LRRC8B: variants seen among roughly 807,000 people sequenced by gnomAD.
LRRC8B encodes volume-regulated anion channel subunit LRRC8B.
In LRRC8B, 23 loss-of-function variants were observed where a neutral mutation model predicts 58.8. The ratio of observed to expected loss-of-function variants is 0.39; its 90% CI spans 0.28 to 0.55. The LOEUF (loss-of-function observed/expected upper bound fraction) is 0.55. Ranked by LOEUF, LRRC8B falls within the 20% of genes least tolerant of loss-of-function variation. The probability of loss-of-function intolerance (pLI) is 0.62; values close to 1 mark genes in which losing one functional copy is unlikely to be tolerated. For synonymous variants in LRRC8B, 359 were observed against 374.1 expected (o/e 0.96, Z 0.47); for missense variants, 694 against 936.0 (o/e 0.74, Z 3.37).
Position 89,583,222 on chromosome 1 carries a change from C to A in LRRC8B, c.572C>A (p.Ser191Ter). 1 of 1,614,146 alleles carries A rather than the reference C, an allele frequency of 6.2e-7. No individual in the cohort carries two copies. Among genetic ancestry groups the A allele is most frequent in the Non-Finnish European group, 8.5e-7 (1 of 1,180,028 alleles). The change falls in exon 5 of 6, where the codon TCG becomes TAG. Residue 191 changes from serine (S) to a stop codon, truncating the protein, a stop_gained. Coordinates refer to ENST00000330947, the MANE Select transcript of LRRC8B (RefSeq NM_001369817.2). LOFTEE classifies it high-confidence loss of function. This position sits in a 1 kb window ranked among gnomAD's most constrained non-coding sequence, Gnocchi z 5.2. ...LKLSKSKILL[S>*]SSGCSADIDS... ...CTCTCCAAGTCCAAGATTTTGCTTT[C>A]GTCCTCAGGGTGTTCAGCTGACATA...
At chr1:89,569,482 G>T (rs1653284002) in intron 3 of LRRC8B, among the ~76,000 whole-genome samples, 1 of 151,896 alleles carries the variant, frequency 6.6e-6, no homozygotes, top group African/African-American at 2.4e-5. Context: ...TCTGCTTTTG[G>T]AGTCCCCAGT....
intron 3 of LRRC8B, among the ~76,000 whole-genome samples, chr1:89,574,083 T>A (rs185083933): frequency 1.3e-5 from 2 of 152,372 alleles, no homozygotes; most frequent in South Asian, 4.1e-4. Context: ...ATTAGCCATA[T>A]AGAGGACTGG....
At chr1:89,578,078 A>G (rs936448741) in intron 3 of LRRC8B, among the ~76,000 whole-genome samples, 1 of 152,208 alleles carries the variant, frequency 6.6e-6, no homozygotes, top group East Asian at 1.9e-4. Context: ...CTTAATTTCT[A>G]TGCATATAAA....
In LRRC8B at chr1:89,542,653, G is replaced by C. The variant is rs185724186; in HGVS notation, c.-241+17631G>C. Among the ~76,000 whole-genome samples, 65 of 152,258 alleles carry C rather than the reference G, an allele frequency of 4.3e-4. 1 individual carries two copies. In the East Asian group the frequency reaches 0.011, roughly 27 times the overall value. On this transcript the variant is annotated intron_variant, in intron 1 of 5. Transcript: ENST00000330947. ...TTACTATTATGAATTTACTATTTGT[G>C]CATGTTTAGATAAGTCACATAACTG...
In LRRC8B at chr1:89,565,076, C is replaced by T. The variant is rs138542395; in HGVS notation, c.-240-3171C>T. ...ATATTGTCAGCTCAATCATAGCTCA[C>T]AGCATTGTGGAATTAGAACATTTAT... is the stretch of plus-strand genomic sequence containing the variant. On this transcript the variant is annotated intron_variant, in intron 1 of 5. Transcript: ENST00000330947. 6.5e-4 allele frequency among the ~76,000 whole-genome samples: 99 copies of T among 152,304 alleles called. 1 individual carries two copies. The highest frequency in any genetic ancestry group is 6.8e-3 in the Middle Eastern group (2 of 294).
At position 89,596,909 on chromosome 1, in the gene LRRC8B, A is replaced by T. The variant is rs1421020792; in HGVS notation, c.*3866A>T. ...GTAACTGTAGATCTGCTTTGTTTTC[A>T]GTAACTGTACATTGCATCAGAATCT... On this transcript the variant is annotated 3_prime_UTR_variant, in exon 6 of 6. Coordinates refer to ENST00000330947, the MANE Select transcript of LRRC8B (RefSeq NM_001369817.2). 6.6e-6 allele frequency: 1 copy of T among 152,282 alleles called. No individual in the cohort carries two copies. The highest frequency in any genetic ancestry group is 2.1e-4 in the South Asian group (1 of 4,830). 9.4% of individuals were successfully genotyped at this position (152,282 alleles called of 1,614,324 possible).
intron 1 of LRRC8B, among the ~76,000 whole-genome samples, chr1:89,531,254 G>A (rs1266995761): frequency 6.6e-6 from 1 of 152,164 alleles, no homozygotes; most frequent in Non-Finnish European, 1.5e-5. Context: ...TTTCCCTGAA[G>A]GTTTGATAAT....
intron 3 of LRRC8B, chr1:89,572,328 T>C (rs1432545273): frequency 6.6e-6 from 1 of 152,234 alleles, no homozygotes; most frequent in African/African-American, 2.4e-5. Context: ...GTCTTGGGGA[T>C]GATCTCCTTG....
At chr1:89,570,725 C>A (rs1261719981) in intron 3 of LRRC8B, among the ~76,000 whole-genome samples, 2 of 152,184 alleles carry the variant, frequency 1.3e-5, no homozygotes, top group Non-Finnish European at 2.9e-5. Flanking sequence ...TAATTAGATC[C>A]ATTTGTCAAT....
In LRRC8B at chr1:89,525,030, G is replaced by C. The variant is rs932607628; in HGVS notation, c.-241+8G>C. On this transcript the variant is annotated splice_region_variant and intron_variant, in intron 1 of 5. Transcript: ENST00000330947. ...GGGGCTGGAGTCGCGCAGGTAGGTCGGAGCGTGACACCCCGGTTCCAGGAG... is the reference window on the plus strand; with the variant it reads ...GGGGCTGGAGTCGCGCAGGTAGGTCCGAGCGTGACACCCCGGTTCCAGGAG... The C allele has an allele frequency of 5.9e-5, 9 of 152,282 alleles. No individual in the cohort carries two copies. The East Asian group carries it at 1.7e-3, about 29-fold the overall frequency. The allele number at this position is 152,282 out of a possible 1,614,324, so 9.4% of individuals were successfully genotyped here.
rs1268018414 is a variant in LRRC8B, at chr1:89,597,468, G to A, written c.*4425G>A. On this transcript the variant is annotated 3_prime_UTR_variant, in exon 6 of 6. Coordinates refer to ENST00000330947, the MANE Select transcript of LRRC8B (RefSeq NM_001369817.2). The stretch of plus-strand genomic sequence containing the variant: ...GTATAGAGTTAGAATGGATGTGTTC[G>A]TGCATATATATGTTGTATTTAAATA... 6.6e-6 allele frequency: 1 copy of A among 152,126 alleles called. No homozygotes were observed. Among genetic ancestry groups the A allele is most frequent in the Non-Finnish European group, 1.5e-5 (1 of 68,006 alleles). 9.4% of individuals were successfully genotyped at this position (152,126 alleles called of 1,614,324 possible). A position where few individuals can be genotyped will look rare whatever the true frequency, so the allele number is the denominator to read the frequency against.
chr1:89,582,622 C>T lies in LRRC8B; in HGVS notation c.-26-3C>T, dbSNP rs1654315066. 2.6e-6 allele frequency: 4 copies of T among 1,518,504 alleles called. No individual in the cohort carries two copies. Among genetic ancestry groups the T allele is most frequent in the Non-Finnish European group, 3.6e-6 (4 of 1,098,128 alleles). 94.1% of individuals were successfully genotyped at this position (1,518,504 alleles called of 1,614,324 possible). The stretch of plus-strand genomic sequence containing the variant: ...TAGTGTTTCTTTTATTTCCCTCTTC[C>T]AGTTTCTGTCCTCCTACAAGGGAAA... On this transcript the variant is annotated splice_polypyrimidine_tract_variant and splice_region_variant and intron_variant, in intron 4 of 5. Coordinates refer to ENST00000330947, the MANE Select transcript of LRRC8B (RefSeq NM_001369817.2).
intron 1 of LRRC8B, among the ~76,000 whole-genome samples, chr1:89,533,634 A>G (rs1435647553): frequency 6.6e-6 from 1 of 152,058 alleles, no homozygotes. Flanking sequence ...AGCTATACCT[A>G]TCATAGTACC....
chr1:89,529,606 T>A (rs1001930037), intron 1 of LRRC8B, among the ~76,000 whole-genome samples: 14 of 152,212 alleles, frequency 9.2e-5, no homozygotes, highest in African/African-American at 1.2e-4. Flanking sequence ...CTTTTTTAAT[T>A]TGGCCTAACT....
chr1:89,549,435 A>G (rs1458935967), intron 1 of LRRC8B, among the ~76,000 whole-genome samples: 2 of 152,212 alleles, frequency 1.3e-5, no homozygotes, highest in Non-Finnish European at 2.9e-5. Flanking sequence ...GCTCTTTAAC[A>G]CTGAAGTGAA....
chr1:89,596,964 G>C lies in LRRC8B; in HGVS notation c.*3921G>C, dbSNP rs1655334813. 1 of 152,158 alleles carries C rather than the reference G, an allele frequency of 6.6e-6. No homozygotes were observed. The highest frequency in any genetic ancestry group is 1.5e-5 in the Non-Finnish European group (1 of 68,006). 9.4% of individuals were successfully genotyped at this position (152,158 alleles called of 1,614,324 possible). On this transcript the variant is annotated 3_prime_UTR_variant, in exon 6 of 6. Coordinates refer to ENST00000330947, the MANE Select transcript of LRRC8B (RefSeq NM_001369817.2). ...ATTTCTATCTGGAAACAGACAGAATGGTGGGGGAGGGAAGGAGTTATTTTG... is the reference window on the plus strand; with the variant it reads ...ATTTCTATCTGGAAACAGACAGAATCGTGGGGGAGGGAAGGAGTTATTTTG...
At chr1:89,572,036 G>A (rs1336580887) in intron 3 of LRRC8B, among the ~76,000 whole-genome samples, 7 of 152,160 alleles carry the variant, frequency 4.6e-5, no homozygotes, top group African/African-American at 1.7e-4. Flanking sequence ...TTGATTGGGA[G>A]TCTAAGTCTC....
rs112423607 is a variant in LRRC8B, at chr1:89,573,936, G to A, written c.-125+5443G>A. The stretch of plus-strand genomic sequence containing the variant: ...CTTGGAATCTGGCTGGCTGTGGTAG[G>A]TTTTTTGATCAATAGAATGTGGCAG... On this transcript the variant is annotated intron_variant, in intron 3 of 5. Transcript: ENST00000330947. Among the ~76,000 whole-genome samples the A allele has an allele frequency of 9.9e-3, 1,512 of 152,334 alleles. 26 individuals carry two copies. The highest frequency in any genetic ancestry group is 0.035 in the African/African-American group (1,436 of 41,572).
intron 1 of LRRC8B, among the ~76,000 whole-genome samples, chr1:89,529,529 C>T (rs930287008): frequency 6.6e-6 from 1 of 151,976 alleles, no homozygotes; most frequent in Admixed American, 6.6e-5. Context: ...AATAACTGAC[C>T]ATTAGAATTG....
Sources: gnomAD v4.1 joint callset for allele counts (sites outside exome capture counted in the v4.1 genomes callset) on GRCh38, gnomAD v4.1.1 for gene constraint, Gnocchi (gnomAD v3.1) non-coding constraint, MANE v1.5 for transcripts, NCBI Gene and HGNC (gene_info 2026-07-23, HGNC 2026-07-21) for gene names.